The following SEC13 variants were observed in gnomAD, a reference collection of about 807,000 sequenced individuals.
SEC13 encodes the protein protein SEC13 homolog.
SEC13 carries 25 observed loss-of-function variants against 49.2 expected under a neutral mutation model. That is an observed-to-expected ratio of 0.51 (90% CI 0.37 to 0.71). The LOEUF (loss-of-function observed/expected upper bound fraction) is 0.71. Among genes scored for constraint, SEC13 ranks in the 30% least tolerant of loss-of-function variants. SEC13 has a pLI of 0.00. For synonymous variants in SEC13, 148 were observed against 163.9 expected (o/e 0.90, Z 0.74); for missense variants, 383 against 417.6 (o/e 0.92, Z 0.72).
intron 4 of SEC13, 142 bp from the exon 5 acceptor site, chr3:10,312,240 G>T: frequency 7.2e-7 from 1 of 1,394,052 alleles, no homozygotes; most frequent in Non-Finnish European, 9.4e-7. Context: ...TTGGTCAACT[G>T]AGGACACAAA....
intron 3 of SEC13, chr3:10,313,942 C>A (rs1461671757): frequency 6.5e-6 from 1 of 154,036 alleles, no homozygotes; most frequent in Non-Finnish European, 1.4e-5. Context: ...CAAATGGACA[C>A]TGACTTAGTT....
At position 10,305,194 on chromosome 3, in the gene SEC13, G is replaced by A. The variant is rs768370025; in HGVS notation, c.585-38C>T. On this transcript the variant is annotated intron_variant, in intron 6 of 8. Coordinates refer to ENST00000350697, the MANE Select transcript of SEC13 (RefSeq NM_183352.3). ...ACAGAAAGAGAATCAGCAGGGGGCCGTTCCCACACCTCAACTCCTCCCCAA... is the reference window on the plus strand; with the variant it reads ...ACAGAAAGAGAATCAGCAGGGGGCCATTCCCACACCTCAACTCCTCCCCAA... The A allele has an allele frequency of 2.7e-5, 42 of 1,574,796 alleles. 1 individual carries two copies. In the Middle Eastern group the frequency reaches 1.5e-3, roughly 57 times the overall value.
chr3:10,320,827 G>A (rs2059763945), intron 1 of SEC13: 4 of 1,323,768 alleles, frequency 3.0e-6, no homozygotes, highest in Non-Finnish European at 3.8e-6. Context: ...AGGAGACGCA[G>A]GAGCGGCGCG....
intron 7 of SEC13, among the ~76,000 whole-genome samples, chr3:10,304,823 G>A (rs183494623): frequency 2.0e-3 from 309 of 152,342 alleles, no homozygotes; most frequent in Non-Finnish European, 3.6e-3. Flanking sequence ...TGCCGGTTCT[G>A]TTGTAGCTGT....
chr3:10,312,527 CCT>C, intron 4 of SEC13, 50 bp downstream of exon 4: 1 of 1,599,194 alleles, frequency 6.3e-7, no homozygotes, highest in Non-Finnish European at 8.5e-7. Context: ...GGGACAGAGT[CCT>C]TTTTTACCCA....
intron 5 of SEC13, 50 bp from the exon 6 acceptor site, chr3:10,305,742 T>G: frequency 6.2e-7 from 1 of 1,607,904 alleles, no homozygotes; most frequent in Non-Finnish European, 8.5e-7. Flanking sequence ...GAACACTGCT[T>G]CTGCAGACCC....
intron 1 of SEC13, 112 bp from the exon 2 acceptor site, chr3:10,318,206 A>G: frequency 1.3e-6 from 1 of 745,920 alleles, no homozygotes; most frequent in Non-Finnish European, 2.4e-6. Flanking sequence ...TTCATTCAGT[A>G]AGCATTCATT....
chr3:10,306,584 C>G (rs1252816523), intron 5 of SEC13, among the ~76,000 whole-genome samples: 1 of 152,136 alleles, frequency 6.6e-6, no homozygotes, highest in Non-Finnish European at 1.5e-5. Context: ...TATTCAGTTA[C>G]CCAGGGATAG....
At position 10,304,106 on chromosome 3, in the gene SEC13, G is replaced by GC; in HGVS notation, c.774dup (p.His259AlafsTer27). 1.9e-6 allele frequency: 3 copies of GC among 1,614,138 alleles called. No homozygotes were observed. Among genetic ancestry groups the GC allele is most frequent in the Non-Finnish European group, 2.5e-6 (3 of 1,180,002 alleles). On this transcript the variant is annotated frameshift_variant, in exon 8 of 9. Coordinates refer to ENST00000350697, the MANE Select transcript of SEC13 (RefSeq NM_183352.3). LOFTEE classifies it high-confidence loss of function. The stretch of plus-strand genomic sequence containing the variant: ...TGCCACACCACATCGTTGAACTTGT[G>GC]CAACAATTTAGGGGACCACGTATTG...
Position 10,318,099 on chromosome 3 carries a change from A to G in SEC13, c.4-5T>C, listed in dbSNP as rs757545869. ...CACAGTGTTAATTACTGACACCTAG[A>G]ACCAAAGATATCACTGGTAAATTAA... On this transcript the variant is annotated splice_polypyrimidine_tract_variant and splice_region_variant and intron_variant, in intron 1 of 8. Coordinates refer to ENST00000350697, the MANE Select transcript of SEC13 (RefSeq NM_183352.3). The G allele has an allele frequency of 4.4e-6, 7 of 1,592,924 alleles. No homozygotes were observed. The Admixed American group carries it at 1.2e-4, about 27-fold the overall frequency.
At chr3:10,313,325 A>G in intron 3 of SEC13, 1 of 435,550 alleles carries the variant, frequency 2.3e-6, no homozygotes, top group Non-Finnish European at 5.0e-6. Flanking sequence ...AAGGTTTTGC[A>G]CCTTAGCACT....
At position 10,305,705 on chromosome 3, in the gene SEC13, G is replaced by A; in HGVS notation, c.451-13C>T. 1 of 1,613,930 alleles carries A rather than the reference G, an allele frequency of 6.2e-7. No homozygotes were observed. The highest frequency in any genetic ancestry group is 8.5e-7 in the Non-Finnish European group (1 of 1,179,820). On this transcript the variant is annotated splice_polypyrimidine_tract_variant and intron_variant, in intron 5 of 8. Coordinates refer to ENST00000350697, the MANE Select transcript of SEC13 (RefSeq NM_183352.3). Reference sequence around the variant, plus strand: ...CATTGCAGCCAATCTGTAAAGATGGGACACATGGTGACTCTGCCTTGCAAG... The same window carrying A: ...CATTGCAGCCAATCTGTAAAGATGGAACACATGGTGACTCTGCCTTGCAAG...
chr3:10,302,462 C>G (rs1045089369), intron 8 of SEC13, among the ~76,000 whole-genome samples: 31 of 152,126 alleles, frequency 2.0e-4, no homozygotes, highest in Admixed American at 6.5e-4. Flanking sequence ...AGCAAGAAGC[C>G]TAAATGCACA....
Position 10,312,567 on chromosome 3 carries a change from A to C in SEC13, c.316+12T>G. On this transcript the variant is annotated intron_variant, in intron 4 of 8. Transcript: ENST00000350697. ...GGTCCCCTTGCCCGCTCTGCTGCCA[A>C]GCTCAGCATACCTGAGGAGTCGTGT... is the stretch of plus-strand genomic sequence containing the variant. 6.2e-7 allele frequency: 1 copy of C among 1,613,962 alleles called. No homozygotes were observed.
rs1184527547 is a variant in SEC13, at chr3:10,301,268, T to C, written c.962A>G (p.Glu321Gly). ...CAGGCCCCACCTGTCTTGTCACTGC[T>C]CGTTCTGCTGGCCCTCTGTCACTGA... ...SASVTEGQQN[E>G]Q The change falls in exon 9 of 9, where the codon GAG (glutamate) becomes GGG (glycine). Residue 321 changes from glutamate to glycine, a missense_variant. Glu to Gly is a moderately conservative substitution (Grantham distance 98). Coordinates refer to ENST00000350697, the MANE Select transcript of SEC13 (RefSeq NM_183352.3). 1 of 1,614,046 alleles carries C rather than the reference T, an allele frequency of 6.2e-7. No homozygotes were observed. Among genetic ancestry groups the C allele is most frequent in the Non-Finnish European group, 8.5e-7 (1 of 1,180,032 alleles).
In SEC13 at chr3:10,312,659, T is replaced by C; in HGVS notation, c.236A>G (p.Tyr79Cys). 6.2e-7 allele frequency: 1 copy of C among 1,614,130 alleles called. No individual in the cohort carries two copies. Among genetic ancestry groups the C allele is most frequent in the South Asian group, 1.1e-5 (1 of 91,068 alleles). Residue 79 changes from tyrosine (Y) to cysteine (C), a missense_variant, in exon 4 of 9, where the codon TAT becomes TGT. Physicochemically the swap from Tyr to Cys is radical, Grantham distance 194 (BLOSUM62 -2). Coordinates refer to ENST00000350697, the MANE Select transcript of SEC13 (RefSeq NM_183352.3). ...MYGNILASCSYDRKVIIWREE... is the reference protein window; with the variant it reads ...MYGNILASCSCDRKVIIWREE... Reference sequence around the variant, plus strand: ...TCTCCAGATAATGACTTTCCGGTCATAGGAGCACGATGCCAGGATGTTGCC... The same window carrying C: ...TCTCCAGATAATGACTTTCCGGTCACAGGAGCACGATGCCAGGATGTTGCC...
intron 8 of SEC13, chr3:10,303,589 C>CAAGTA: frequency 3.9e-6 from 1 of 258,392 alleles, no homozygotes; most frequent in Non-Finnish European, 7.7e-6. Flanking sequence ...ACCAGCATAA[C>CAAGTA]AAGTATTCAT....
intron 8 of SEC13, 43 bp downstream of exon 8, chr3:10,303,983 C>A (rs1446512234): frequency 6.2e-7 from 1 of 1,610,536 alleles, no homozygotes; most frequent in Non-Finnish European, 8.5e-7. Flanking sequence ...GGGGTGAAGA[C>A]CAACAGGCTG....
intron 2 of SEC13, among the ~76,000 whole-genome samples, chr3:10,317,016 A>G (rs1701650669): frequency 6.6e-6 from 1 of 152,008 alleles, no homozygotes; most frequent in Non-Finnish European, 1.5e-5. Flanking sequence ...AAAAAAAAAA[A>G]AAAAAAGAAA....
Sources: allele counts gnomAD v4.1 joint callset (sites outside exome capture counted in the v4.1 genomes callset), GRCh38; gene constraint gnomAD v4.1.1; transcripts MANE v1.5; gene names NCBI Gene and HGNC (gene_info 2026-07-23, HGNC 2026-07-21).